Variants in ACACB observed in about 807,000 individuals in gnomAD.
ACACB encodes the protein acetyl-CoA carboxylase 2.
A neutral mutation model predicts 278.8 loss-of-function variants in ACACB; 209 were observed. The observed-to-expected ratio is 0.75, with a 90% CI of 0.67 to 0.84. ACACB has a LOEUF of 0.84. Ranked by LOEUF, ACACB falls within the 40% of genes least tolerant of loss-of-function variation. The pLI, the probability that ACACB is intolerant of heterozygous loss-of-function variation, is 0.00. For missense variants in ACACB, 2,850 were observed against 3,269.0 expected (o/e 0.87, Z 3.13); for synonymous variants, 1,174 against 1,285.6 (o/e 0.91, Z 1.86).
intron 24 of ACACB, among the ~76,000 whole-genome samples, chr12:109,218,401 T>A (rs2046066504): frequency 6.7e-6 from 1 of 149,396 alleles, no homozygotes; most frequent in South Asian, 2.1e-4. Context: ...TGTTTGTTTG[T>A]TTTGTAGAGA....
intron 41 of ACACB, among the ~76,000 whole-genome samples, 160 bp downstream of exon 41, chr12:109,250,264 C>A (rs1489317220): frequency 6.6e-6 from 1 of 152,190 alleles, no homozygotes; most frequent in African/African-American, 2.4e-5. Flanking sequence ...CAATCTCACC[C>A]CCATCCCCTG....
At chr12:109,201,437 C>T (rs2045326549) in intron 18 of ACACB, 130 bp from the exon 19 acceptor site, 1 of 1,117,448 alleles carries the variant, frequency 8.9e-7, no homozygotes. Context: ...CTGAACACTA[C>T]CCAGGGAGTC....
chr12:109,190,107 G>A (rs112197093), intron 13 of ACACB, among the ~76,000 whole-genome samples: 85 of 151,718 alleles, frequency 5.6e-4, no homozygotes, highest in South Asian at 1.5e-3. Context: ...GTGAAGCTCC[G>A]TCTCAAAAAA....
chr12:109,135,077 T>A (rs547361298), intron 1 of ACACB, among the ~76,000 whole-genome samples: 1 of 152,340 alleles, frequency 6.6e-6, no homozygotes, highest in South Asian at 2.1e-4. Flanking sequence ...TTCAACTTTT[T>A]AAGGAACCAC....
At chr12:109,146,978 A>G (rs2043258513) in intron 2 of ACACB, among the ~76,000 whole-genome samples, 1 of 151,900 alleles carries the variant, frequency 6.6e-6, no homozygotes, top group Non-Finnish European at 1.5e-5. Flanking sequence ...CCCAGCCCCA[A>G]ATTCACAATA....
In ACACB at chr12:109,267,251, G is replaced by A. The variant is rs1020685210; in HGVS notation, c.*889G>A. The A allele has an allele frequency of 3.3e-5, 5 of 152,142 alleles. No individual in the cohort carries two copies. Among genetic ancestry groups the A allele is most frequent in the Admixed American group, 1.3e-4 (2 of 15,278 alleles). The allele number at this position is 152,142 out of a possible 1,614,324, so 9.4% of individuals were successfully genotyped here. ...AATGGCGCTAGTGAATCACTAGGAG[G>A]GTCCCACTGATAGGCCATGTTTAGC... is the stretch of plus-strand genomic sequence containing the variant. On this transcript the variant is annotated 3_prime_UTR_variant, in exon 53 of 53. Transcript: ENST00000338432.
At chr12:109,203,773 G>A (rs4766455) in intron 19 of ACACB, among the ~76,000 whole-genome samples, 1 of 152,030 alleles carries the variant, frequency 6.6e-6, no homozygotes, top group African/African-American at 2.4e-5. Context: ...TTGTCAAGCT[G>A]TGTCATTACC....
intron 35 of ACACB, among the ~76,000 whole-genome samples, chr12:109,240,298 T>G (rs944332392): frequency 6.6e-6 from 1 of 152,106 alleles, no homozygotes; most frequent in Non-Finnish European, 1.5e-5. Flanking sequence ...GGGAGAGACG[T>G]GAGACCGTGA....
chr12:109,226,826 A>C (rs1036202691), intron 27 of ACACB, among the ~76,000 whole-genome samples: 1 of 152,180 alleles, frequency 6.6e-6, no homozygotes, highest in African/African-American at 2.4e-5. Flanking sequence ...ACAAAGCCTA[A>C]AATATTTACT....
At chr12:109,240,912 G>C (rs1250054110) in intron 35 of ACACB, among the ~76,000 whole-genome samples, 166 bp from the exon 36 acceptor site, 1 of 152,188 alleles carries the variant, frequency 6.6e-6, no homozygotes, top group African/African-American at 2.4e-5. Context: ...TAAATGCTTA[G>C]CAAGAGCCGT....
At chr12:109,260,272 G>A (rs2047344514) in intron 47 of ACACB, 9 of 1,136,320 alleles carry the variant, frequency 7.9e-6, no homozygotes, top group Non-Finnish European at 1.0e-5. Context: ...CTTCACAGAT[G>A]AGGCCACTGA....
At chr12:109,255,530 AT>A (rs1168615317) in intron 44 of ACACB, among the ~76,000 whole-genome samples, 1 of 152,222 alleles carries the variant, frequency 6.6e-6, no homozygotes, top group African/African-American at 2.4e-5. Flanking sequence ...GTGCTGTTGC[AT>A]GCCTGGGTGC....
intron 2 of ACACB, among the ~76,000 whole-genome samples, chr12:109,141,422 A>T (rs548433117): frequency 1.3e-5 from 2 of 152,246 alleles, no homozygotes; most frequent in East Asian, 3.9e-4. Flanking sequence ...CCATCCCCAA[A>T]TTACAAATGG....
intron 2 of ACACB, among the ~76,000 whole-genome samples, chr12:109,160,099 A>C (rs141787001): frequency 0.074 from 11,157 of 151,572 alleles, 1,403 homozygotes; most frequent in African/African-American, 0.26. Context: ...CAAAAAAAAA[A>C]AAAAAACCAA....
At chr12:109,166,764 A>C in intron 2 of ACACB, 97 bp from the exon 3 acceptor site, 1 of 1,441,078 alleles carries the variant, frequency 6.9e-7, no homozygotes, top group Non-Finnish European at 9.4e-7. Flanking sequence ...GCTCTGGTGC[A>C]GTTTGGCTCC....
In ACACB at chr12:109,171,489, A is replaced by G. The variant is rs112974408; in HGVS notation, c.926-316A>G. On this transcript the variant is annotated intron_variant, in intron 4 of 52. Coordinates refer to ENST00000338432, the MANE Select transcript of ACACB (RefSeq NM_001093.4). The stretch of plus-strand genomic sequence containing the variant: ...CTCAGCCTCCTGAGTACCTTGGATT[A>G]CAGGTGCCCACCACCACGCCTGGCT... Among the ~76,000 whole-genome samples the G allele has an allele frequency of 6.5e-3, 984 of 152,088 alleles. 21 individuals carry two copies. The highest frequency in any genetic ancestry group is 0.022 in the African/African-American group (926 of 41,506).
In ACACB at chr12:109,265,376, G is replaced by C. The variant is rs777220222; in HGVS notation, c.7114-13G>C. On this transcript the variant is annotated splice_polypyrimidine_tract_variant and intron_variant, in intron 51 of 52. Transcript: ENST00000338432. ...TGGGTCCCTCTCTGAGGCATCCTCT[G>C]CCCCCTCCCCAGGCCTACTTGTGGG... is the stretch of plus-strand genomic sequence containing the variant. 6 of 1,613,400 alleles carry C rather than the reference G, an allele frequency of 3.7e-6. No homozygotes were observed. In the Admixed American group the frequency reaches 1.0e-4, roughly 27 times the overall value.
At chr12:109,189,848 T>G (rs1343867345) in intron 13 of ACACB, among the ~76,000 whole-genome samples, 4 of 152,178 alleles carry the variant, frequency 2.6e-5, no homozygotes, top group Non-Finnish European at 4.4e-5. Flanking sequence ...CAGTGGCTCA[T>G]GCCTGTAATC....
upstream of ACACB, among the ~76,000 whole-genome samples, chr12:109,112,199 A>G (rs1176990021): frequency 2.7e-5 from 4 of 149,142 alleles, no homozygotes; most frequent in African/African-American, 9.8e-5. Context: ...TAATATATAC[A>G]AAAGTTCAAT....
Sources: allele counts gnomAD v4.1 joint callset (sites outside exome capture counted in the v4.1 genomes callset), GRCh38; gene constraint gnomAD v4.1.1; transcripts MANE v1.5; gene names NCBI Gene and HGNC (gene_info 2026-07-23, HGNC 2026-07-21).